ABHD17B: variants seen among roughly 807,000 people sequenced by gnomAD.
ABHD17B encodes abhydrolase domain containing 17B, depalmitoylase, also known as alpha/beta hydrolase domain-containing protein 17B.
ABHD17B carries 9 observed loss-of-function variants against 26.2 expected under a neutral mutation model. The observed-to-expected ratio is 0.34, with a 90% confidence interval of 0.21 to 0.60. The LOEUF is 0.60. ABHD17B is among the 20% of genes least tolerant of loss of function. The pLI is 0.80. For synonymous variants in ABHD17B, 127 were observed against 122.3 expected (o/e 1.04, Z -0.25); for missense variants, 224 against 352.1 (o/e 0.64, Z 2.91).
At chr9:71,888,742 G>A (rs1209972549) in intron 1 of ABHD17B, among the ~76,000 whole-genome samples, 1 of 152,052 alleles carries the variant, frequency 6.6e-6, no homozygotes, top group East Asian at 1.9e-4. Flanking sequence ...TACAGCATAT[G>A]AGCATGGACC....
intron 1 of ABHD17B, among the ~76,000 whole-genome samples, chr9:71,898,792 A>ATTTGAGACC (rs1174949481): frequency 6.6e-6 from 1 of 152,046 alleles, no homozygotes; most frequent in Non-Finnish European, 1.5e-5. Context: ...GAGCTCAGGC[A>ATTTGAGACC]TTTGAGACCA....
At position 71,899,974 on chromosome 9, in the gene ABHD17B, A is replaced by T. The variant is rs116651392; in HGVS notation, c.-4+10660T>A. Among the ~76,000 whole-genome samples the T allele has an allele frequency of 8.3e-3, 1,264 of 152,368 alleles. 18 individuals carry two copies. The highest frequency in any genetic ancestry group is 0.028 in the African/African-American group (1,173 of 41,584). The stretch of plus-strand genomic sequence containing the variant: ...TTCTTTAGGAGCCTTACTAAAAACA[A>T]GCCAGAACAGTATCAGATAGGCAGG... On this transcript the variant is annotated intron_variant, in intron 1 of 3. Transcript: ENST00000333421.
Position 71,866,962 on chromosome 9 carries a change from T to G in ABHD17B, c.692A>C (p.His231Pro). ...SKITSPVLIIHGTEDEVIDFS... is the reference protein window; with the variant it reads ...SKITSPVLIIPGTEDEVIDFS... The stretch of plus-strand genomic sequence containing the variant: ...GTCAATGACTTCATCTTCAGTCCCA[T>G]GAATTATTAATACTGGAGAGGTTAT... Residue 231 changes from histidine (H) to proline (P), a missense_variant, in exon 4 of 4, where the codon CAT (histidine) becomes CCT (proline). Physicochemically the swap from His to Pro is moderately conservative, Grantham distance 77 (BLOSUM62 -2). Transcript: ENST00000333421. The G allele has an allele frequency of 6.2e-7, 1 of 1,614,104 alleles. No homozygotes were observed.
chr9:71,886,371 T>C (rs1340194182), intron 1 of ABHD17B, among the ~76,000 whole-genome samples: 2 of 150,824 alleles, frequency 1.3e-5, no homozygotes, highest in African/African-American at 4.9e-5. Context: ...GAGGATCTCT[T>C]GAGGCCAGGA....
intron 1 of ABHD17B, among the ~76,000 whole-genome samples, chr9:71,887,477 C>T (rs1826644933): frequency 6.6e-6 from 1 of 152,172 alleles, no homozygotes; most frequent in Non-Finnish European, 1.5e-5. Flanking sequence ...TTTCTTGATA[C>T]TGCTAGACAC....
intron 1 of ABHD17B, among the ~76,000 whole-genome samples, chr9:71,895,548 T>G (rs1026720161): frequency 2.6e-5 from 4 of 152,224 alleles, no homozygotes; most frequent in Non-Finnish European, 4.4e-5. Context: ...CAGTATAGAT[T>G]TTTAAAGTTG....
rs191605049 is a variant in ABHD17B, at chr9:71,874,247, C to T, written c.467+367G>A. ...TCACTCAGGCTGGAGTGCAGTGGCA[C>T]GATCATAGCTCACTGCAGCCTCAAA... On this transcript the variant is annotated intron_variant, in intron 2 of 3. Transcript: ENST00000333421. Among the ~76,000 whole-genome samples, 442 of 151,490 alleles carry T rather than the reference C, an allele frequency of 2.9e-3. 4 individuals are homozygous for T. The highest frequency in any genetic ancestry group is 2.5e-3 in the Non-Finnish European group (167 of 67,960).
At chr9:71,882,519 G>A (rs756760903) in intron 1 of ABHD17B, among the ~76,000 whole-genome samples, 5 of 152,156 alleles carry the variant, frequency 3.3e-5, no homozygotes, top group Non-Finnish European at 7.4e-5. Flanking sequence ...ATTAGCTGGT[G>A]TGGTGGTGCA....
At chr9:71,874,076 TTC>T (rs1826188431) in intron 2 of ABHD17B, among the ~76,000 whole-genome samples, 1 of 152,256 alleles carries the variant, frequency 6.6e-6, no homozygotes, top group African/African-American at 2.4e-5. Context: ...TGTCAGTATT[TTC>T]TCTCATTTCC....
chr9:71,898,673 A>T (rs1362810782), intron 1 of ABHD17B, among the ~76,000 whole-genome samples: 1 of 151,860 alleles, frequency 6.6e-6, no homozygotes, highest in Non-Finnish European at 1.5e-5. Flanking sequence ...ACACATGGGA[A>T]AGGGCGGGTT....
At chr9:71,881,658 C>T (rs538551242) in intron 1 of ABHD17B, among the ~76,000 whole-genome samples, 56 of 152,118 alleles carry the variant, frequency 3.7e-4, no homozygotes, top group Non-Finnish European at 6.6e-4. Flanking sequence ...AAGGCCGAGG[C>T]GGACGGATCA....
downstream of ABHD17B, among the ~76,000 whole-genome samples, chr9:71,863,684 T>C (rs1036656304): frequency 6.6e-6 from 1 of 152,242 alleles, no homozygotes; most frequent in African/African-American, 2.4e-5. Flanking sequence ...CTTTCCTTTA[T>C]GGACAAATAG....
intron 2 of ABHD17B, among the ~76,000 whole-genome samples, chr9:71,871,380 A>G (rs1190157807): frequency 6.6e-6 from 1 of 152,224 alleles, no homozygotes; most frequent in Non-Finnish European, 1.5e-5. Flanking sequence ...TAGGACACAG[A>G]AAGTGGGGCT....
rs539115154 is a variant in ABHD17B, at chr9:71,868,226, AAAAG to A, written c.648-1224_648-1221del. Among the ~76,000 whole-genome samples the A allele has an allele frequency of 6.6e-3, 1,004 of 152,040 alleles. 13 individuals are homozygous for A. The highest frequency in any genetic ancestry group is 0.018 in the African/African-American group (758 of 41,470). ...GCAGCGAGACTCTGTCTCAGAAAAA[AAAAG>A]AAAGAAAGAAAGAAAGAAAGAGCCT... On this transcript the variant is annotated intron_variant, in intron 3 of 3. Coordinates refer to ENST00000333421, the MANE Select transcript of ABHD17B (RefSeq NM_001025780.3).
Position 71,866,334 on chromosome 9 carries a change from CTCT to C in ABHD17B, c.*450_*452del. The C allele has an allele frequency of 2.0e-6, 2 of 989,636 alleles. No homozygotes were observed. The highest frequency in any genetic ancestry group is 2.4e-6 in the Non-Finnish European group (2 of 830,826). 61.3% of individuals were successfully genotyped at this position (989,636 alleles called of 1,614,324 possible). On this transcript the variant is annotated 3_prime_UTR_variant, in exon 4 of 4. Coordinates refer to ENST00000333421, the MANE Select transcript of ABHD17B (RefSeq NM_001025780.3). ...CTAGTGAACTTGCATGGTTTTAAAT[CTCT>C]TTTACAGTTCATTCCATTATGAGTA...
intron 2 of ABHD17B, 137 bp downstream of exon 2, chr9:71,874,477 T>C: frequency 1.7e-6 from 1 of 597,300 alleles, no homozygotes; most frequent in Admixed American, 3.7e-5. Flanking sequence ...AAAATATTTA[T>C]TCACAGGTAT....
chr9:71,899,088 C>T (rs993161202), intron 1 of ABHD17B, among the ~76,000 whole-genome samples: 1 of 151,056 alleles, frequency 6.6e-6, no homozygotes, highest in Non-Finnish European at 1.5e-5. Context: ...TGTGCCACTG[C>T]ACTCCAACCT....
At chr9:71,865,125 G>A (rs142800867), downstream of ABHD17B, 225 of 981,206 alleles carry the variant, frequency 2.3e-4, 1 homozygote, top group Non-Finnish European at 2.5e-4. Flanking sequence ...GGGGTGGGGA[G>A]CATGGAAAAA....
intron 1 of ABHD17B, among the ~76,000 whole-genome samples, chr9:71,889,027 A>C (rs1178660747): frequency 6.8e-6 from 1 of 147,986 alleles, no homozygotes; most frequent in Non-Finnish European, 1.5e-5. Context: ...TAAAAAAAAA[A>C]ACAAACCAGC....
Sources: gnomAD v4.1 joint callset for allele counts (sites outside exome capture counted in the v4.1 genomes callset) on GRCh38, gnomAD v4.1.1 for gene constraint, MANE v1.5 for transcripts, NCBI Gene and HGNC (gene_info 2026-07-23, HGNC 2026-07-21) for gene names.